ADGRV1: variants seen among roughly 807,000 people sequenced by gnomAD.
ADGRV1 encodes the protein G-protein coupled receptor 98.
ADGRV1 carries 359 observed loss-of-function variants against 596.2 expected under a neutral mutation model. That is an observed-to-expected ratio of 0.60 (90% CI 0.55 to 0.66). The LOEUF (loss-of-function observed/expected upper bound fraction) is 0.66. Among genes scored for constraint, ADGRV1 ranks in the 30% least tolerant of loss-of-function variants. The probability of loss-of-function intolerance (pLI) is 0.00; values close to 1 mark genes in which losing one functional copy is unlikely to be tolerated. For missense variants in ADGRV1, 7,274 were observed against 7,575.6 expected (o/e 0.96, Z 1.48); for synonymous variants, 2,681 against 2,679.2 (o/e 1.00, Z -0.02).
intron 85 of ADGRV1, among the ~76,000 whole-genome samples, chr5:91,062,457 C>A (rs941969659): frequency 1.3e-5 from 2 of 152,098 alleles, no homozygotes; most frequent in Non-Finnish European, 1.5e-5. Context: ...GCACAGGGGT[C>A]CCCCTTTCCA....
intron 50 of ADGRV1, among the ~76,000 whole-genome samples, chr5:90,743,417 C>A (rs909182786): frequency 6.6e-6 from 1 of 150,796 alleles, no homozygotes; most frequent in Non-Finnish European, 1.5e-5. Context: ...AGAAGAGGCT[C>A]ATATGTTCTT....
chr5:91,056,236 G>A (rs775500302), intron 85 of ADGRV1, among the ~76,000 whole-genome samples: 2 of 151,538 alleles, frequency 1.3e-5, no homozygotes, highest in African/African-American at 4.8e-5. Flanking sequence ...GCATCTCATC[G>A]ATTTGCTGAG....
intron 59 of ADGRV1, among the ~76,000 whole-genome samples, chr5:90,766,754 G>A (rs77443070): frequency 0.017 from 2,626 of 152,126 alleles, 80 homozygotes; most frequent in African/African-American, 0.06. Flanking sequence ...AAGTTTGGTC[G>A]GACATTTACA....
At chr5:90,724,405 T>C (rs1341508607) in intron 45 of ADGRV1, among the ~76,000 whole-genome samples, 1 of 152,106 alleles carries the variant, frequency 6.6e-6, no homozygotes, top group Admixed American at 6.5e-5. Context: ...GATTTTTGTA[T>C]TTTTAGTAGA....
rs773991197 is a variant in ADGRV1, at chr5:90,712,315, A to T, written c.9071A>T (p.Tyr3024Phe). The T allele has an allele frequency of 5.8e-6, 9 of 1,553,688 alleles. No individual in the cohort carries two copies. Among genetic ancestry groups the T allele is most frequent in the Non-Finnish European group, 7.9e-6 (9 of 1,145,502 alleles). Reference sequence around the variant, plus strand: ...CTTCATTTTGCTGATGGAGAAAGGTATAAAAATGTCAATATCATGATTCTT... The same window carrying T: ...CTTCATTTTGCTGATGGAGAAAGGTTTAAAAATGTCAATATCATGATTCTT... ...MILHFADGER[Y>F]KNVNIMILDD... Residue 3024 changes from tyrosine (Y) to phenylalanine (F), a missense_variant, in exon 42 of 90, where the codon TAT becomes TTT. Physicochemically the swap from Tyr to Phe is conservative, Grantham distance 22. Coordinates refer to ENST00000405460, the MANE Select transcript of ADGRV1 (RefSeq NM_032119.4).
chr5:91,007,625 C>T (rs1279611991), intron 85 of ADGRV1, among the ~76,000 whole-genome samples: 1 of 152,092 alleles, frequency 6.6e-6, no homozygotes, highest in Non-Finnish European at 1.5e-5. Context: ...GAAAGACTTC[C>T]CCCTACCTTG....
At chr5:90,980,352 G>A (rs1779980853) in intron 84 of ADGRV1, among the ~76,000 whole-genome samples, 1 of 152,094 alleles carries the variant, frequency 6.6e-6, no homozygotes, top group Non-Finnish European at 1.5e-5. Context: ...GAATTTTTTT[G>A]GACTTGTCTT....
At chr5:90,698,399 TA>T (rs1747478127) in intron 34 of ADGRV1, among the ~76,000 whole-genome samples, 1 of 152,148 alleles carries the variant, frequency 6.6e-6, no homozygotes. Context: ...TGAGAGAGAC[TA>T]AATAGCAACA....
intron 85 of ADGRV1, among the ~76,000 whole-genome samples, chr5:90,987,691 TGCCA>T (rs948841221): frequency 1.3e-5 from 2 of 152,084 alleles, no homozygotes; most frequent in African/African-American, 4.8e-5. Context: ...TTTTAAAGCA[TGCCA>T]TTTCTCTAGA....
At chr5:90,781,892 C>T (rs1758893230) in intron 65 of ADGRV1, among the ~76,000 whole-genome samples, 1 of 152,024 alleles carries the variant, frequency 6.6e-6, no homozygotes, top group African/African-American at 2.4e-5. Flanking sequence ...TATTTAATTT[C>T]CTATGTGACT....
intron 1 of ADGRV1, among the ~76,000 whole-genome samples, chr5:90,598,760 G>A (rs564652090): frequency 9.2e-5 from 14 of 152,308 alleles, no homozygotes; most frequent in Admixed American, 2.0e-4. Context: ...GATGCATGGC[G>A]TCTTGAGTAG....
chr5:90,642,001 T>C (rs1235189710), intron 11 of ADGRV1, among the ~76,000 whole-genome samples: 1 of 152,200 alleles, frequency 6.6e-6, no homozygotes, highest in Non-Finnish European at 1.5e-5. Flanking sequence ...TTTTTTTTCT[T>C]ATATTCCCTA....
chr5:90,809,591 T>C (rs1247847947), intron 73 of ADGRV1, among the ~76,000 whole-genome samples: 1 of 152,118 alleles, frequency 6.6e-6, no homozygotes. Flanking sequence ...TTTAAATTTA[T>C]ATTAAAACCA....
At chr5:90,947,698 G>A (rs1286306939) in intron 83 of ADGRV1, among the ~76,000 whole-genome samples, 1 of 152,012 alleles carries the variant, frequency 6.6e-6, no homozygotes, top group Admixed American at 6.6e-5. Context: ...GGGTGAGGAA[G>A]GTCAGTACAG....
intron 84 of ADGRV1, among the ~76,000 whole-genome samples, chr5:90,976,160 A>G (rs1198710186): frequency 6.6e-6 from 1 of 150,786 alleles, no homozygotes; most frequent in Non-Finnish European, 1.5e-5. Flanking sequence ...TTCCATGCAT[A>G]GACAAATATT....
At chr5:90,576,576 G>A (rs1037231290) in intron 1 of ADGRV1, among the ~76,000 whole-genome samples, 11 of 152,158 alleles carry the variant, frequency 7.2e-5, no homozygotes, top group African/African-American at 2.2e-4. Flanking sequence ...ACAAAAATAC[G>A]TGTGCATGTG....
At chr5:90,851,523 G>T (rs1362257014) in intron 79 of ADGRV1, among the ~76,000 whole-genome samples, 1 of 152,168 alleles carries the variant, frequency 6.6e-6, no homozygotes, top group Non-Finnish European at 1.5e-5. Context: ...AGTGAGCAAG[G>T]ATATTGAGGA....
chr5:91,111,213 T>TTC (rs968032952), intron 87 of ADGRV1, among the ~76,000 whole-genome samples: 1 of 151,980 alleles, frequency 6.6e-6, no homozygotes, highest in Non-Finnish European at 1.5e-5. Context: ...TAACAAACAG[T>TTC]TCTCTCTCTC....
chr5:90,939,929 A>C (rs888986895), intron 83 of ADGRV1, among the ~76,000 whole-genome samples: 1 of 152,198 alleles, frequency 6.6e-6, no homozygotes, highest in African/African-American at 2.4e-5. Flanking sequence ...TTCAAACCTG[A>C]TGCCATTTTA....
Sources: gnomAD v4.1 joint callset for allele counts (sites outside exome capture counted in the v4.1 genomes callset) on GRCh38, gnomAD v4.1.1 for gene constraint, MANE v1.5 for transcripts, NCBI Gene and HGNC (gene_info 2026-07-23, HGNC 2026-07-21) for gene names.